Variants in NAALADL2 observed in about 807,000 individuals in gnomAD.
NAALADL2 encodes the protein inactive N-acetylated-alpha-linked acidic dipeptidase-like protein 2.
A neutral mutation model predicts 87.2 loss-of-function variants in NAALADL2; 76 were observed. The ratio of observed to expected loss-of-function variants is 0.87; its 90% confidence interval spans 0.72 to 1.05. NAALADL2 has a LOEUF of 1.05. Ranked by LOEUF, NAALADL2 falls within the 50% of genes least tolerant of loss-of-function variation. The pLI is 0.00. For missense variants in NAALADL2, 1,089 were observed against 945.8 expected, an observed-to-expected ratio of 1.15 and a Z score of -1.99; for synonymous variants, 354 against 331.0, an observed-to-expected ratio of 1.07 and a Z score of -0.75.
chr3:175,799,339 GAATA>G lies in NAALADL2; in HGVS notation c.2190-3664_2190-3661del, dbSNP rs532504337. Among the ~76,000 whole-genome samples, 1,108 of 151,968 alleles carry G rather than the reference GAATA, an allele frequency of 7.3e-3. 16 individuals carry two copies. Among genetic ancestry groups the G allele is most frequent in the African/African-American group, 0.026 (1,073 of 41,516 alleles). On this transcript the variant is annotated intron_variant, in intron 13 of 13. Transcript: ENST00000454872. ...ACAAAGCAGTATTTTTTACATAGCTGAATAATTAAAATATTTTTAATCCATTTTT... is the reference window on the plus strand; with the variant it reads ...ACAAAGCAGTATTTTTTACATAGCTGATTAAAATATTTTTAATCCATTTTT...
chr3:175,267,941 A>C (rs1390467330), intron 4 of NAALADL2, among the ~76,000 whole-genome samples: 3 of 152,330 alleles, frequency 2.0e-5, no homozygotes, highest in South Asian at 4.1e-4. Context: ...CATATCACCT[A>C]GCCTTTAGTA....
chr3:175,754,023 T>C (rs1301470179), intron 12 of NAALADL2, among the ~76,000 whole-genome samples: 1 of 152,156 alleles, frequency 6.6e-6, no homozygotes, highest in Non-Finnish European at 1.5e-5. Flanking sequence ...GTTGTCTCAC[T>C]TAAAGCCTGA....
At chr3:175,566,709 C>A (rs1717198658) in intron 9 of NAALADL2, among the ~76,000 whole-genome samples, 1 of 152,034 alleles carries the variant, frequency 6.6e-6, no homozygotes, top group South Asian at 2.1e-4. Context: ...TGTATAAAGG[C>A]ATTTATAATA....
chr3:175,057,067 C>G (rs1216466262), intron 1 of NAALADL2, among the ~76,000 whole-genome samples: 1 of 152,146 alleles, frequency 6.6e-6, no homozygotes, highest in Non-Finnish European at 1.5e-5. Flanking sequence ...TTCACATTGA[C>G]TACTTTGAAA....
intron 2 of NAALADL2, among the ~76,000 whole-genome samples, chr3:175,136,572 G>A (rs1419780647): frequency 1.3e-5 from 2 of 152,100 alleles, no homozygotes; most frequent in Non-Finnish European, 2.9e-5. Flanking sequence ...ATTTAATATT[G>A]CAGACATTGT....
chr3:175,254,946 C>G, intron 3 of NAALADL2, among the ~76,000 whole-genome samples: 1 of 152,120 alleles, frequency 6.6e-6, no homozygotes, highest in East Asian at 1.9e-4. Flanking sequence ...ATTGTATGAG[C>G]TATAATCATT....
chr3:174,583,834 G>A (rs57778593), intron 2 of NAALADL2, among the ~76,000 whole-genome samples: 2,972 of 152,104 alleles, frequency 0.02, 98 homozygotes, highest in African/African-American at 0.067. Context: ...TACAAAAAGC[G>A]GAATAATTTT....
At chr3:175,224,102 G>A (rs921185661) in intron 2 of NAALADL2, among the ~76,000 whole-genome samples, 2 of 152,090 alleles carry the variant, frequency 1.3e-5, no homozygotes, top group African/African-American at 2.4e-5. Context: ...TCTATTGCAA[G>A]CGCAACCTGC....
At chr3:175,199,115 G>A (rs1739432767) in intron 2 of NAALADL2, among the ~76,000 whole-genome samples, 1 of 152,152 alleles carries the variant, frequency 6.6e-6, no homozygotes, top group Non-Finnish European at 1.5e-5. Context: ...AGCAGGATGT[G>A]TGTTTTTATG....
chr3:175,615,102 G>T (rs772810536), intron 10 of NAALADL2, among the ~76,000 whole-genome samples: 2 of 152,100 alleles, frequency 1.3e-5, no homozygotes, highest in Non-Finnish European at 2.9e-5. Flanking sequence ...ACAGCTCTTT[G>T]ATTAGAATAT....
intron 2 of NAALADL2, among the ~76,000 whole-genome samples, chr3:174,603,402 T>G (rs1182047175): frequency 6.6e-6 from 1 of 151,960 alleles, no homozygotes; most frequent in Non-Finnish European, 1.5e-5. Flanking sequence ...CATGTAATTG[T>G]TCATAATTTC....
intron 3 of NAALADL2, among the ~76,000 whole-genome samples, chr3:174,835,199 A>G (rs2109391521): frequency 6.6e-6 from 1 of 152,224 alleles, no homozygotes; most frequent in African/African-American, 2.4e-5. Flanking sequence ...CAATAGTGCT[A>G]GAACTATTGG....
chr3:174,459,867 T>C, intron 1 of NAALADL2: 1 of 152,164 alleles, frequency 6.6e-6, no homozygotes, highest in East Asian at 1.9e-4. Context: ...TTATTTAAGT[T>C]TTTGGAAAGT....
intron 5 of NAALADL2, among the ~76,000 whole-genome samples, chr3:175,329,111 T>C (rs1245179783): frequency 6.6e-6 from 1 of 152,240 alleles, no homozygotes; most frequent in Non-Finnish European, 1.5e-5. Context: ...ATCTATTTAC[T>C]ACCAGTTAAT....
intron 11 of NAALADL2, among the ~76,000 whole-genome samples, chr3:175,664,733 T>G (rs1169837283): frequency 6.6e-6 from 1 of 152,150 alleles, no homozygotes; most frequent in African/African-American, 2.4e-5. Flanking sequence ...CCTTCTCAGG[T>G]AAAAACTCTA....
intron 1 of NAALADL2, among the ~76,000 whole-genome samples, chr3:174,476,195 C>T (rs1717199575): frequency 6.6e-6 from 1 of 150,780 alleles, no homozygotes; most frequent in South Asian, 2.1e-4. Flanking sequence ...TCAGATTTTG[C>T]TAAATATCTG....
intron 4 of NAALADL2, 49 bp from the exon 5 acceptor site, chr3:175,324,126 C>G: frequency 6.5e-7 from 1 of 1,528,642 alleles, no homozygotes; most frequent in Non-Finnish European, 8.9e-7. Context: ...ACTATATGAA[C>G]TTTTAATGTG....
At chr3:175,724,681 C>A (rs1349636553) in intron 11 of NAALADL2, among the ~76,000 whole-genome samples, 1 of 152,018 alleles carries the variant, frequency 6.6e-6, no homozygotes, top group Non-Finnish European at 1.5e-5. Flanking sequence ...AAAGAACAAT[C>A]TATTTATTTT....
intron 4 of NAALADL2, among the ~76,000 whole-genome samples, chr3:175,286,428 C>A (rs145517314): frequency 2.0e-5 from 3 of 152,150 alleles, no homozygotes; most frequent in African/African-American, 7.2e-5. Context: ...TGTTTAAGGC[C>A]TTGGCATTTA....
Sources: allele counts gnomAD v4.1 joint callset (sites outside exome capture counted in the v4.1 genomes callset), GRCh38; gene constraint gnomAD v4.1.1; transcripts MANE v1.5; gene names NCBI Gene and HGNC (gene_info 2026-07-23, HGNC 2026-07-21).